PALM2AKAP2: variants seen among roughly 807,000 people sequenced by gnomAD.
The protein encoded by PALM2AKAP2 is PALM2-AKAP2 fusion protein.
Under a neutral mutation model 71.5 loss-of-function variants are expected in PALM2AKAP2, and 37 were observed. The observed-to-expected ratio is 0.52, with a 90% confidence interval of 0.40 to 0.68. The LOEUF (loss-of-function observed/expected upper bound fraction) is 0.68, where lower values mean the gene tolerates loss of function less well. Ranked by LOEUF, PALM2AKAP2 falls within the 30% of genes least tolerant of loss-of-function variation. PALM2AKAP2 has a pLI of 0.00. For synonymous variants in PALM2AKAP2, 468 were observed against 478.8 expected (o/e 0.98, Z 0.29); for missense variants, 1,224 against 1,191.8 (o/e 1.03, Z -0.40).
In PALM2AKAP2 at chr9:109,735,183, G is replaced by T. The variant is rs538671151; in HGVS notation, c.6-45305G>T. ...ACTCTGGCTAGACCCTCAGGGCCTG[G>T]CTACTGCCTTGCATACTAGATTCAT... On this transcript the variant is annotated intron_variant, in intron 1 of 6. Coordinates refer to the PALM2AKAP2 transcript ENST00000374531. 2.0e-5 allele frequency among the ~76,000 whole-genome samples: 3 copies of T among 148,606 alleles called. No homozygotes were observed. The South Asian group carries it at 6.8e-4, about 34-fold the overall frequency.
At chr9:109,810,545 A>T (rs571068823) in intron 1 of PALM2AKAP2, among the ~76,000 whole-genome samples, 1 of 152,286 alleles carries the variant, frequency 6.6e-6, no homozygotes, top group Admixed American at 6.5e-5. Flanking sequence ...AGCTGTTTAG[A>T]TGGAGAGGTG....
At chr9:109,978,633 C>T (rs1588041978) in intron 6 of PALM2AKAP2, among the ~76,000 whole-genome samples, 1 of 152,306 alleles carries the variant, frequency 6.6e-6, no homozygotes, top group South Asian at 2.1e-4. Flanking sequence ...CTCACTTTTG[C>T]AGGGTAATCT....
intron 6 of PALM2AKAP2, among the ~76,000 whole-genome samples, chr9:109,969,275 T>C (rs1832018751): frequency 6.6e-6 from 1 of 152,222 alleles, no homozygotes; most frequent in Non-Finnish European, 1.5e-5. Context: ...AGACAGCCTG[T>C]GGCTCTCCCC....
intron 6 of PALM2AKAP2, among the ~76,000 whole-genome samples, chr9:109,956,785 G>A (rs893605408): frequency 1.3e-5 from 2 of 152,100 alleles, no homozygotes; most frequent in African/African-American, 2.4e-5. Flanking sequence ...TAATCAGATG[G>A]GAGTGAAAGA....
At chr9:109,661,877 T>C (rs1827402240) in intron 1 of PALM2AKAP2, among the ~76,000 whole-genome samples, 1 of 152,218 alleles carries the variant, frequency 6.6e-6, no homozygotes, top group Non-Finnish European at 1.5e-5. Context: ...GAAGAGGTCC[T>C]TCACATCCCT....
At chr9:110,167,013 A>T (rs1004836114) in intron 3 of PALM2AKAP2, among the ~76,000 whole-genome samples, 1 of 152,232 alleles carries the variant, frequency 6.6e-6, no homozygotes, top group African/African-American at 2.4e-5. Context: ...GTGAAGGAAG[A>T]TCAAAGGCAC....
chr9:109,995,083 A>G (rs1411830005), intron 6 of PALM2AKAP2, among the ~76,000 whole-genome samples: 1 of 152,180 alleles, frequency 6.6e-6, no homozygotes, highest in Admixed American at 6.5e-5. Flanking sequence ...TCTCTTTTAT[A>G]GGCTTCTACA....
intron 1 of PALM2AKAP2, among the ~76,000 whole-genome samples, chr9:110,089,969 A>G (rs968737695): frequency 8.5e-5 from 13 of 152,362 alleles, no homozygotes; most frequent in African/African-American, 3.1e-4. Flanking sequence ...TACCCAGGGC[A>G]TGTTATCCTA....
intron 1 of PALM2AKAP2, among the ~76,000 whole-genome samples, chr9:109,692,844 A>C (rs896818154): frequency 5.9e-5 from 9 of 151,942 alleles, no homozygotes; most frequent in Non-Finnish European, 2.9e-5. Flanking sequence ...TTTTTAAAAA[A>C]ATTTAAAAGT....
chr9:109,708,285 G>C (rs1226047913), intron 1 of PALM2AKAP2, among the ~76,000 whole-genome samples: 1 of 152,014 alleles, frequency 6.6e-6, no homozygotes, highest in Admixed American at 6.6e-5. Context: ...ACAAGAGTAA[G>C]TCCTGTTTTC....
chr9:109,720,079 C>T (rs1402923204), intron 1 of PALM2AKAP2, among the ~76,000 whole-genome samples: 1 of 151,998 alleles, frequency 6.6e-6, no homozygotes, highest in Non-Finnish European at 1.5e-5. Flanking sequence ...ACCTCTGCCT[C>T]CTGGGTTCAA....
At chr9:110,019,110 G>T (rs780515842) in intron 7 of PALM2AKAP2, among the ~76,000 whole-genome samples, 2 of 151,836 alleles carry the variant, frequency 1.3e-5, no homozygotes, top group Non-Finnish European at 2.9e-5. Context: ...GTGATGGCGC[G>T]TGCCTGTAAT....
chr9:109,963,743 C>A (rs189411892), intron 6 of PALM2AKAP2, among the ~76,000 whole-genome samples: 160 of 152,326 alleles, frequency 1.1e-3, no homozygotes, highest in South Asian at 5.6e-3. Context: ...GTCTCCTGAA[C>A]GGTCCCAGCT....
rs560827256 is a variant in PALM2AKAP2 at position 109,758,785 on chromosome 9, G to T, written c.6-21703G>T. 5.9e-5 allele frequency among the ~76,000 whole-genome samples: 9 copies of T among 152,044 alleles called. No individual in the cohort carries two copies. In the South Asian group the frequency reaches 1.9e-3, roughly 32 times the overall value. ...TTAGAAAGATAAAGTAAAAGGGTGG[G>T]GATCAGATTCTGCCCTTCCTCTATT... On this transcript the variant is annotated intron_variant, in intron 1 of 6. Transcript: ENST00000374531.
intron 2 of PALM2AKAP2, among the ~76,000 whole-genome samples, chr9:110,155,599 G>A (rs1836429375): frequency 1.3e-5 from 2 of 152,140 alleles, no homozygotes; most frequent in South Asian, 4.1e-4. Flanking sequence ...TCATTCCCAA[G>A]GCTGGTGTGC....
chr9:109,753,806 A>G (rs150786114), intron 1 of PALM2AKAP2, among the ~76,000 whole-genome samples: 1 of 143,384 alleles, frequency 7.0e-6, no homozygotes, highest in East Asian at 2.1e-4. Flanking sequence ...TCACTTCTTT[A>G]AAGTAATTGA....
At chr9:109,946,607 C>T (rs77488304) in intron 6 of PALM2AKAP2, 7,125 of 146,164 alleles carry the variant, frequency 0.049, 272 homozygotes, top group Admixed American at 0.12. Flanking sequence ...GCAGGAGAAT[C>T]GCTTGAACCT....
chr9:109,982,654 C>G (rs1351185194), intron 6 of PALM2AKAP2, among the ~76,000 whole-genome samples: 1 of 152,180 alleles, frequency 6.6e-6, no homozygotes, highest in East Asian at 1.9e-4. Context: ...GAGACAGGGT[C>G]TCATTCTGTC....
chr9:109,761,581 G>A (rs1282906951), intron 1 of PALM2AKAP2, among the ~76,000 whole-genome samples: 3 of 152,102 alleles, frequency 2.0e-5, no homozygotes, highest in Non-Finnish European at 4.4e-5. Flanking sequence ...GTGTCCACGT[G>A]TTCTCATTGT....
Sources: gnomAD v4.1 joint callset for allele counts (sites outside exome capture counted in the v4.1 genomes callset) on GRCh38, gnomAD v4.1.1 for gene constraint, MANE v1.5 for transcripts, NCBI Gene and HGNC (gene_info 2026-07-23, HGNC 2026-07-21) for gene names.